EDEM2: variants seen among roughly 807,000 people sequenced by gnomAD.
EDEM2 encodes ER degradation enhancing alpha-mannosidase like protein 2.
Under a neutral mutation model 64.8 loss-of-function variants are expected in EDEM2, and 39 were observed. The ratio of observed to expected loss-of-function variants is 0.60; its 90% CI spans 0.47 to 0.79. The LOEUF (loss-of-function observed/expected upper bound fraction) is 0.79, where lower values mean the gene tolerates loss of function less well. Ranked by LOEUF, EDEM2 falls within the 30% of genes least tolerant of loss-of-function variation. EDEM2 has a pLI of 0.00. For synonymous variants in EDEM2, 296 were observed against 291.5 expected (o/e 1.02, Z -0.16); for missense variants, 609 against 731.3 (o/e 0.83, Z 1.93).
intron 9 of EDEM2, among the ~76,000 whole-genome samples, chr20:35,120,342 C>T (rs1046914334): frequency 6.6e-6 from 1 of 152,098 alleles, no homozygotes; most frequent in African/African-American, 2.4e-5. Context: ...AGATAACAGG[C>T]GTGAGTCACT....
At chr20:35,132,222 G>C (rs1192060444) in intron 6 of EDEM2, among the ~76,000 whole-genome samples, 1 of 151,962 alleles carries the variant, frequency 6.6e-6, no homozygotes, top group African/African-American at 2.4e-5. Flanking sequence ...GAAGCTGACA[G>C]AGTGGTTCTA....
intron 4 of EDEM2, among the ~76,000 whole-genome samples, chr20:35,141,502 G>C (rs933700302): frequency 1.3e-5 from 2 of 152,178 alleles, no homozygotes; most frequent in African/African-American, 4.8e-5. Context: ...CAGGATTTTA[G>C]ACCATGTTGT....
chr20:35,140,539 G>C (rs942181085), intron 4 of EDEM2, among the ~76,000 whole-genome samples: 1 of 151,906 alleles, frequency 6.6e-6, no homozygotes, highest in South Asian at 2.1e-4. Context: ...CAACAATATA[G>C]AACAAAAATT....
intron 7 of EDEM2, among the ~76,000 whole-genome samples, chr20:35,128,599 G>A (rs960389421): frequency 1.3e-5 from 2 of 149,316 alleles, no homozygotes. Context: ...GCTTCAGGCA[G>A]GTCCTTCAAG....
intron 9 of EDEM2, among the ~76,000 whole-genome samples, chr20:35,120,212 G>A (rs1372732407): frequency 3.3e-5 from 5 of 152,134 alleles, no homozygotes; most frequent in East Asian, 3.9e-4. Context: ...ACAGGCATGC[G>A]CCACCAGCCC....
chr20:35,129,977 A>T (rs565884357), intron 7 of EDEM2, among the ~76,000 whole-genome samples: 6 of 152,314 alleles, frequency 3.9e-5, no homozygotes, highest in Admixed American at 2.6e-4. Context: ...CTAACGATGC[A>T]ATTCTCAGAC....
chr20:35,138,657 G>T (rs1310836615), intron 4 of EDEM2, among the ~76,000 whole-genome samples: 2 of 149,284 alleles, frequency 1.3e-5, no homozygotes, highest in Non-Finnish European at 3.0e-5. Context: ...TCGGCTCACT[G>T]CAAGCTCCGC....
intron 7 of EDEM2, among the ~76,000 whole-genome samples, chr20:35,127,279 G>A (rs2085447099): frequency 6.6e-6 from 1 of 152,152 alleles, no homozygotes; most frequent in Non-Finnish European, 1.5e-5. Context: ...TATCAGCAGT[G>A]AAAATGGTCT....
intron 9 of EDEM2, among the ~76,000 whole-genome samples, chr20:35,120,344 T>G (rs938477277): frequency 5.3e-5 from 8 of 152,252 alleles, no homozygotes; most frequent in Non-Finnish European, 1.0e-4. Flanking sequence ...ATAACAGGCG[T>G]GAGTCACTGC....
In EDEM2 at chr20:35,126,378, G is replaced by A. The variant is rs753044338; in HGVS notation, c.845-3C>T. 4 of 1,613,642 alleles carry A rather than the reference G, an allele frequency of 2.5e-6. No homozygotes were observed. The highest frequency in any genetic ancestry group is 2.2e-5 in the South Asian group (2 of 91,052). On this transcript the variant is annotated splice_region_variant and splice_polypyrimidine_tract_variant and intron_variant, in intron 7 of 10. Transcript: ENST00000374492. ...GTTCCGGATGGCTTTGTTATACTCT[G>A]CAGTGGGGGAGATGGGATAATGGAC... is the stretch of plus-strand genomic sequence containing the variant.
rs781128277 is a variant in EDEM2 at position 35,147,167 on chromosome 20, TCTGGCGCGGAGCCGTCGGGAC to T, written c.71_91del (p.Gly24_Pro30del). ...CACAGTTCACCTGTAGTGGGCGGGA[TCTGGCGCGGAGCCGTCGGGAC>T]CTGGCGCACCATGGTGCTGAGGCAG... On this transcript the variant is annotated inframe_deletion, in exon 1 of 11. Coordinates refer to ENST00000374492, the MANE Select transcript of EDEM2 (RefSeq NM_018217.3). The T allele has an allele frequency of 5.7e-5, 91 of 1,602,294 alleles. No homozygotes were observed. The highest frequency in any genetic ancestry group is 5.6e-4 in the East Asian group (25 of 44,658).
chr20:35,128,246 G>A lies in EDEM2; in HGVS notation c.845-1871C>T, dbSNP rs1206965648. ...AAATACAAAAAAATTAGCTGGGTGT[G>A]GTGGCGGGCGCCTGTAATCCCAGCT... is the stretch of plus-strand genomic sequence containing the variant. On this transcript the variant is annotated intron_variant, in intron 7 of 10. Coordinates refer to ENST00000374492, the MANE Select transcript of EDEM2 (RefSeq NM_018217.3). Among the ~76,000 whole-genome samples the A allele has an allele frequency of 3.3e-5, 5 of 151,912 alleles. No homozygotes were observed. In the East Asian group the frequency reaches 7.7e-4, roughly 23 times the overall value.
At chr20:35,131,384 C>G (rs2085503322) in intron 7 of EDEM2, among the ~76,000 whole-genome samples, 2 of 152,104 alleles carry the variant, frequency 1.3e-5, no homozygotes, top group Admixed American at 1.3e-4. Flanking sequence ...AACCCCGTTT[C>G]TACTAAAAAT....
intron 10 of EDEM2, among the ~76,000 whole-genome samples, chr20:35,116,194 G>T (rs1393895525): frequency 6.6e-6 from 1 of 152,122 alleles, no homozygotes; most frequent in African/African-American, 2.4e-5. Flanking sequence ...AATAGGGACA[G>T]GGTCTCACAC....
intron 5 of EDEM2, among the ~76,000 whole-genome samples, chr20:35,137,115 G>A (rs1600714255): frequency 6.6e-6 from 1 of 152,170 alleles, no homozygotes; most frequent in East Asian, 1.9e-4. Context: ...TGATAGATGG[G>A]GAAACCAAAC....
intron 3 of EDEM2, among the ~76,000 whole-genome samples, chr20:35,143,827 G>A (rs547302693): frequency 1.6e-4 from 25 of 152,176 alleles, no homozygotes; most frequent in Admixed American, 1.4e-3. Flanking sequence ...AGCAATGTTG[G>A]CCTCCCAAAG....
chr20:35,116,047 A>T lies in EDEM2; in HGVS notation c.1237-114T>A, dbSNP rs182642696. 2.6e-6 allele frequency: 3 copies of T among 1,157,278 alleles called. No individual in the cohort carries two copies. In the African/African-American group the frequency reaches 4.6e-5, roughly 18 times the overall value. 71.7% of individuals were successfully genotyped at this position (1,157,278 alleles called of 1,614,324 possible). ...ACAAAGCAGCTGAGGGCCTGTGAGC[A>T]AATCACTGAACTTTTCAGAACTTCA... is the stretch of plus-strand genomic sequence containing the variant. On this transcript the variant is annotated intron_variant, in intron 10 of 10. Coordinates refer to ENST00000374492, the MANE Select transcript of EDEM2 (RefSeq NM_018217.3).
intron 2 of EDEM2, 131 bp downstream of exon 2, chr20:35,146,694 G>A (rs2085737449): frequency 2.1e-6 from 2 of 958,286 alleles, no homozygotes; most frequent in Non-Finnish European, 3.1e-6. Context: ...TGCGGGGAGC[G>A]CGGCTCTAGC....
At chr20:35,123,222 A>T (rs757079741) in intron 9 of EDEM2, among the ~76,000 whole-genome samples, 1 of 152,172 alleles carries the variant, frequency 6.6e-6, no homozygotes, top group Non-Finnish European at 1.5e-5. Flanking sequence ...GCTTGCCTAC[A>T]CTTCTGAAAT....
Sources: gnomAD v4.1 joint callset for allele counts (sites outside exome capture counted in the v4.1 genomes callset) on GRCh38, gnomAD v4.1.1 for gene constraint, MANE v1.5 for transcripts, NCBI Gene and HGNC (gene_info 2026-07-23, HGNC 2026-07-21) for gene names.